The following ZNF586 variants were observed in gnomAD, a reference collection of about 807,000 sequenced individuals.
ZNF586 encodes the protein zinc finger protein 586.
In ZNF586, 7 loss-of-function variants were observed where a neutral mutation model predicts 6.7. The ratio of observed to expected loss-of-function variants is 1.04; its 90% CI spans 0.59 to 1.95. The LOEUF (loss-of-function observed/expected upper bound fraction) is 1.95, where lower values mean the gene tolerates loss of function less well. ZNF586 is among the 30% of genes most tolerant of loss of function. The pLI, the probability that ZNF586 is intolerant of heterozygous loss-of-function variation, is 0.00. For synonymous variants in ZNF586, 166 were observed against 168.7 expected, an observed-to-expected ratio of 0.98 and a Z score of 0.12; for missense variants, 442 against 489.6, an observed-to-expected ratio of 0.90 and a Z score of 0.92.
At position 57,780,047 on chromosome 19, in the gene ZNF586, ATAT is replaced by A; in HGVS notation, c.*256_*258del. ...GGAAAATACCACAGATGTGGAGGTA[ATAT>A]TATTTTTTCTTCAATATAACACTGG... On this transcript the variant is annotated 3_prime_UTR_variant, in exon 3 of 3. Coordinates refer to ENST00000396154, the MANE Select transcript of ZNF586 (RefSeq NM_017652.4). The A allele has an allele frequency of 6.1e-6, 3 of 495,616 alleles. No homozygotes were observed. The highest frequency in any genetic ancestry group is 3.3e-5 in the East Asian group (1 of 30,720). 30.7% of individuals were successfully genotyped at this position (495,616 alleles called of 1,614,324 possible).
intron 1 of ZNF586, among the ~76,000 whole-genome samples, chr19:57,775,849 G>A (rs372644889): frequency 1.6e-4 from 24 of 152,228 alleles, no homozygotes; most frequent in African/African-American, 4.1e-4. Flanking sequence ...TGATCCACCC[G>A]CCTCGGCGTC....
In ZNF586 at chr19:57,779,658, C is replaced by T. The variant is rs894512641; in HGVS notation, c.1071C>T (p.Asn357=). ...ACTGTGGGAAATCCTTTGCTGAAAA[C>T]TCCAGCCTTATTAAACACTTGAGAG... ...CSDCGKSFAE[N]SSLIKHLRVH... The change falls in exon 3 of 3, where the codon AAC becomes AAT. Residue 357 remains asparagine, a synonymous_variant. Transcript: ENST00000396154. 8 of 1,613,590 alleles carry T rather than the reference C, an allele frequency of 5.0e-6. No homozygotes were observed. The African/African-American group carries it at 1.1e-4, about 22-fold the overall frequency.
At chr19:57,776,714 C>A in intron 2 of ZNF586, 45 bp downstream of exon 2, 2 of 1,547,712 alleles carry the variant, frequency 1.3e-6, no homozygotes, top group Non-Finnish European at 8.7e-7. Context: ...GTCTGTGCCC[C>A]TCACCTTTAT....
chr19:57,777,718 A>G (rs1166425082), intron 2 of ZNF586, among the ~76,000 whole-genome samples: 3 of 60,874 alleles, frequency 4.9e-5, no homozygotes, highest in Admixed American at 4.6e-4. Context: ...TGGCTCATGT[A>G]TTTTGTATTA....
chr19:57,778,157 C>T (rs1019333855), intron 2 of ZNF586, among the ~76,000 whole-genome samples: 3 of 151,572 alleles, frequency 2.0e-5, no homozygotes, highest in African/African-American at 7.3e-5. Flanking sequence ...CTGCAACCTC[C>T]GCCTCCCAGG....
chr19:57,778,959 CA>C lies in ZNF586; in HGVS notation c.373del (p.Ser125AlafsTer129). On this transcript the variant is annotated frameshift_variant, in exon 3 of 3. Transcript: ENST00000396154. LOFTEE classifies it low-confidence loss of function (END_TRUNC). ...GCACTGGAGAAAGGCCTTATGAGTG[CA>C]GCAAATATGGGAAATTATTTCACCA... is the stretch of plus-strand genomic sequence containing the variant. ...VRTGERPYEC[S>X]KYGKLFHQKP... The C allele has an allele frequency of 6.2e-7, 1 of 1,614,024 alleles. No individual in the cohort carries two copies. Among genetic ancestry groups the C allele is most frequent in the Non-Finnish European group, 8.5e-7 (1 of 1,179,994 alleles).
rs773835386 is a variant in ZNF586, at chr19:57,779,227, T to C, written c.640T>C (p.Ser214Pro). The C allele has an allele frequency of 8.1e-6, 13 of 1,613,942 alleles. No homozygotes were observed. The highest frequency in any genetic ancestry group is 1.1e-5 in the Non-Finnish European group (13 of 1,180,018). ...KRYECNECGK[S>P]FAYTSSLIKH... ...TTATGAATGCAATGAATGTGGGAAG[T>C]CCTTTGCTTATACATCTAGTCTCAT... is the stretch of plus-strand genomic sequence containing the variant. Residue 214 changes from serine (S) to proline (P), a missense_variant, in exon 3 of 3, where the codon TCC (serine) becomes CCC (proline). Ser to Pro is a moderately conservative substitution (Grantham distance 74). Coordinates refer to ENST00000396154, the MANE Select transcript of ZNF586 (RefSeq NM_017652.4).
intron 1 of ZNF586, among the ~76,000 whole-genome samples, chr19:57,775,876 AC>A (rs2122560461): frequency 6.6e-6 from 1 of 152,272 alleles, no homozygotes; most frequent in South Asian, 2.1e-4. Context: ...TACTGGGATT[AC>A]AGGCGTGCGC....
At chr19:57,774,529 T>TATAA (rs71986625) in intron 1 of ZNF586, among the ~76,000 whole-genome samples, 6,307 of 146,652 alleles carry the variant, frequency 0.043, 162 homozygotes, top group East Asian at 0.055. Context: ...ATCTCAAAAA[T>TATAA]ATAAATAAAT....
Position 57,778,979 on chromosome 19 carries a change from T to A in ZNF586, c.392T>A (p.Phe131Tyr). The change falls in exon 3 of 3, where the codon TTT becomes TAT. Residue 131 changes from phenylalanine to tyrosine, a missense_variant. Coordinates refer to ENST00000396154, the MANE Select transcript of ZNF586 (RefSeq NM_017652.4). Reference protein sequence around the residue: ...PYECSKYGKLFHQKPTLHIHE... With the variant: ...PYECSKYGKLYHQKPTLHIHE... ...GAGTGCAGCAAATATGGGAAATTAT[T>A]TCACCAAAAGCCTACACTCCATATT... 1 of 1,614,026 alleles carries A rather than the reference T, an allele frequency of 6.2e-7. No homozygotes were observed. The highest frequency in any genetic ancestry group is 8.5e-7 in the Non-Finnish European group (1 of 1,180,016).
intron 1 of ZNF586, among the ~76,000 whole-genome samples, chr19:57,773,842 A>G (rs1987156471): frequency 6.6e-6 from 1 of 152,132 alleles, no homozygotes; most frequent in Non-Finnish European, 1.5e-5. Context: ...GGAGGCAAAT[A>G]TGGTCACCTT....
chr19:57,769,766 G>A lies in ZNF586; in HGVS notation c.-77G>A, dbSNP rs1376993120. ...CACACAGGCGGATCTGAGGTTCGGCGACGCCGCTGGTCGCGACCCGGGACA... is the reference window on the plus strand; with the variant it reads ...CACACAGGCGGATCTGAGGTTCGGCAACGCCGCTGGTCGCGACCCGGGACA... On this transcript the variant is annotated 5_prime_UTR_variant, in exon 1 of 3. Transcript: ENST00000396154. 3 of 1,476,750 alleles carry A rather than the reference G, an allele frequency of 2.0e-6. No individual in the cohort carries two copies. Among genetic ancestry groups the A allele is most frequent in the Non-Finnish European group, 2.8e-6 (3 of 1,086,754 alleles). 91.5% of individuals were successfully genotyped at this position (1,476,750 alleles called of 1,614,324 possible). A position where few individuals can be genotyped will look rare whatever the true frequency, so the allele number is the denominator to read the frequency against.
chr19:57,776,598 T>G lies in ZNF586; in HGVS notation c.92T>G (p.Leu31Arg). 1 of 1,613,764 alleles carries G rather than the reference T, an allele frequency of 6.2e-7. No homozygotes were observed. Among genetic ancestry groups the G allele is most frequent in the Non-Finnish European group, 8.5e-7 (1 of 1,179,830 alleles). The change falls in exon 2 of 3, where the codon CTT (leucine) becomes CGT (arginine). Residue 31 changes from leucine (L) to arginine (R), a missense_variant. Leu to Arg is a moderately radical substitution (Grantham distance 102). Transcript: ENST00000396154. ...AVNFSLEEWSLLNEAQRCLYR... is the reference protein window; with the variant it reads ...AVNFSLEEWSRLNEAQRCLYR... ...AACTTTTCCCTGGAGGAATGGAGTC[T>G]TCTTAATGAGGCTCAGAGATGCCTG...
At position 57,776,614 on chromosome 19, in the gene ZNF586, G is replaced by C. The variant is rs1267233671; in HGVS notation, c.108G>C (p.Gln36His). 7 of 1,613,624 alleles carry C rather than the reference G, an allele frequency of 4.3e-6. No homozygotes were observed. The highest frequency in any genetic ancestry group is 5.9e-6 in the Non-Finnish European group (7 of 1,179,800). ...AATGGAGTCTTCTTAATGAGGCTCA[G>C]AGATGCCTGTACCGTGACGTGATGC... ...LEEWSLLNEA[Q>H]RCLYRDVMLE... Residue 36 changes from glutamine to histidine, a missense_variant, in exon 2 of 3, where the codon CAG (glutamine) becomes CAC (histidine). By Grantham distance (24) the Gln-to-His change is conservative. Transcript: ENST00000396154.
intron 1 of ZNF586, 127 bp from the exon 2 acceptor site, chr19:57,776,416 A>T: frequency 7.9e-7 from 1 of 1,266,624 alleles, no homozygotes; most frequent in Non-Finnish European, 1.1e-6. Flanking sequence ...CTAGTGGGCA[A>T]AATTTCTCCT....
chr19:57,769,832 C>G lies in ZNF586; in HGVS notation c.-11C>G, dbSNP rs746961123. ...CACCGCCGAGCCCGCGTTCCCCCCCCGCCCAGAGTCATGGCGGCAGCAGCC... is the reference window on the plus strand; with the variant it reads ...CACCGCCGAGCCCGCGTTCCCCCCCGGCCCAGAGTCATGGCGGCAGCAGCC... On this transcript the variant is annotated 5_prime_UTR_variant, in exon 1 of 3. Transcript: ENST00000396154. The G allele has an allele frequency of 2.6e-6, 4 of 1,545,854 alleles. No homozygotes were observed. Among genetic ancestry groups the G allele is most frequent in the African/African-American group, 1.4e-5 (1 of 73,034 alleles).
intron 1 of ZNF586, among the ~76,000 whole-genome samples, chr19:57,771,339 C>T (rs1049834377): frequency 1.3e-5 from 2 of 151,296 alleles, no homozygotes; most frequent in Non-Finnish European, 2.9e-5. Context: ...GATGGGGTTT[C>T]GCCATGTTGC....
intron 2 of ZNF586, 125 bp from the exon 3 acceptor site, chr19:57,778,626 A>T: frequency 1.2e-6 from 1 of 859,004 alleles, no homozygotes; most frequent in South Asian, 1.8e-5. Flanking sequence ...CTCAACCTGA[A>T]CCCAACTCCC....
intron 1 of ZNF586, among the ~76,000 whole-genome samples, chr19:57,773,953 C>T (rs984543066): frequency 6.6e-6 from 1 of 152,156 alleles, no homozygotes; most frequent in Non-Finnish European, 1.5e-5. Flanking sequence ...TAGTGGCTCA[C>T]ACCTGTGATC....
Sources: allele counts gnomAD v4.1 joint callset (sites outside exome capture counted in the v4.1 genomes callset), GRCh38; gene constraint gnomAD v4.1.1; transcripts MANE v1.5; gene names NCBI Gene and HGNC (gene_info 2026-07-23, HGNC 2026-07-21).